ADRA1A: variants seen among roughly 807,000 people sequenced by gnomAD.
The protein encoded by ADRA1A is adrenoceptor alpha 1A.
Under a neutral mutation model 29.6 loss-of-function variants are expected in ADRA1A, and 31 were observed. That is an observed-to-expected ratio of 1.05 (90% CI 0.79 to 1.41). The LOEUF is 1.41. Among genes scored for constraint, ADRA1A ranks in the 40% most tolerant of loss-of-function variants. The pLI, the probability that ADRA1A is intolerant of heterozygous loss-of-function variation, is 0.00. For synonymous variants in ADRA1A, 311 were observed against 254.3 expected (o/e 1.22, Z -2.12); for missense variants, 619 against 601.1 (o/e 1.03, Z -0.31).
intron 2 of ADRA1A, among the ~76,000 whole-genome samples, chr8:26,849,989 A>C (rs2130738023): frequency 6.8e-6 from 1 of 146,872 alleles, no homozygotes; most frequent in Non-Finnish European, 1.5e-5. Flanking sequence ...AAATTTAAAA[A>C]AAAATAGTAA....
rs1013114692 is a variant in ADRA1A at position 26,841,426 on chromosome 8, C to T, written c.883+22661G>A. On this transcript the variant is annotated intron_variant, in intron 2 of 2. Coordinates refer to ENST00000380573, the MANE Select transcript of ADRA1A (RefSeq NM_000680.4). The surrounding 1 kb of genome is among the most constrained non-coding windows in gnomAD (Gnocchi z 4.4). The stretch of plus-strand genomic sequence containing the variant: ...TAACTGTGAAGGCATCGGGCTTTCC[C>T]AGATATCCTTTGCATTCAAATCCTC... Among the ~76,000 whole-genome samples the T allele has an allele frequency of 6.6e-6, 1 of 152,206 alleles. No individual in the cohort carries two copies. The highest frequency in any genetic ancestry group is 1.5e-5 in the Non-Finnish European group (1 of 68,042).
At chr8:26,839,119 G>A in intron 2 of ADRA1A, among the ~76,000 whole-genome samples, 1 of 151,928 alleles carries the variant, frequency 6.6e-6, no homozygotes, top group East Asian at 1.9e-4. Context: ...AAAGTAATAA[G>A]GGTGCTAGTT....
downstream of ADRA1A, among the ~76,000 whole-genome samples, chr8:26,753,036 A>T (rs1273525738): frequency 1.3e-5 from 2 of 152,136 alleles, no homozygotes; most frequent in Non-Finnish European, 2.9e-5. Flanking sequence ...GCTGCCAGAC[A>T]ATCTGACTCC....
In ADRA1A at chr8:26,865,277, G is replaced by T. The variant is rs922408336; in HGVS notation, c.-308C>A. ...GACCCGGACTCCCTCCCTACCCGAA[G>T]CTGGGTGCGAAGATCCAGGAGACTC... On this transcript the variant is annotated 5_prime_UTR_variant, in exon 2 of 3. Coordinates refer to ENST00000380573, the MANE Select transcript of ADRA1A (RefSeq NM_000680.4). This position sits in a 1 kb window ranked among gnomAD's most constrained non-coding sequence, Gnocchi z 7.6. 8.0e-7 allele frequency: 1 copy of T among 1,243,990 alleles called. No homozygotes were observed. 77.1% of individuals were successfully genotyped at this position (1,243,990 alleles called of 1,614,324 possible).
chr8:26,800,068 G>A (rs1808461468), intron 2 of ADRA1A, among the ~76,000 whole-genome samples: 2 of 152,108 alleles, frequency 1.3e-5, no homozygotes, highest in South Asian at 4.1e-4. Context: ...AGACCAGCCT[G>A]ATCATCATTG....
At chr8:26,761,038 C>T (rs568053983), downstream of ADRA1A, among the ~76,000 whole-genome samples, 32 of 152,340 alleles carry the variant, frequency 2.1e-4, no homozygotes, top group Admixed American at 5.9e-4. Context: ...GGCTGGAGTA[C>T]TGTCATGGGC....
At chr8:26,846,726 C>T (rs921166985) in intron 2 of ADRA1A, among the ~76,000 whole-genome samples, 17 of 152,146 alleles carry the variant, frequency 1.1e-4, no homozygotes, top group Admixed American at 6.5e-5. Context: ...GAGCCGCGAT[C>T]GCGCCATTGC....
intron 2 of ADRA1A, among the ~76,000 whole-genome samples, chr8:26,837,576 G>A (rs1811473215): frequency 1.3e-5 from 2 of 151,900 alleles, no homozygotes; most frequent in Admixed American, 6.6e-5. Flanking sequence ...GCTTGAGCCT[G>A]GGAGGTGGAA....
In ADRA1A at chr8:26,775,199, T is replaced by A. The variant is rs61760528; in HGVS notation, c.884-4533A>T. Among the ~76,000 whole-genome samples, 4,530 of 152,302 alleles carry A rather than the reference T, an allele frequency of 0.03. 104 individuals are homozygous for A. The highest frequency in any genetic ancestry group is 0.047 in the Non-Finnish European group (3,175 of 68,012). On this transcript the variant is annotated intron_variant, in intron 2 of 2. Coordinates refer to ENST00000380573, the MANE Select transcript of ADRA1A (RefSeq NM_000680.4). This position sits in a 1 kb window ranked among gnomAD's most constrained non-coding sequence, Gnocchi z 4.1. ...AATGGCCGACCTTCTGACAGACGGA[T>A]GGACTGACTGACTGAATGAATGAAT... is the stretch of plus-strand genomic sequence containing the variant.
intron 2 of ADRA1A, among the ~76,000 whole-genome samples, chr8:26,862,388 A>AT (rs1813543235): frequency 6.6e-6 from 1 of 152,086 alleles, no homozygotes; most frequent in Non-Finnish European, 1.5e-5. Context: ...CATCCTGTTG[A>AT]TTTTTTGATA....
rs1240755517 is a variant in ADRA1A, at chr8:26,841,663, G to A, written c.883+22424C>T. Among the ~76,000 whole-genome samples the A allele has an allele frequency of 6.6e-6, 1 of 152,008 alleles. No homozygotes were observed. The highest frequency in any genetic ancestry group is 2.4e-5 in the African/African-American group (1 of 41,348). On this transcript the variant is annotated intron_variant, in intron 2 of 2. Coordinates refer to ENST00000380573, the MANE Select transcript of ADRA1A (RefSeq NM_000680.4). The surrounding 1 kb of genome is among the most constrained non-coding windows in gnomAD (Gnocchi z 4.4). The stretch of plus-strand genomic sequence containing the variant: ...ACAAGCCTCCTGTCCCTAACATTCA[G>A]CTGAAACTGTTCCTAGATCCCAAAC...
Position 26,867,066 on chromosome 8 carries a change from T to A in ADRA1A, c.-817A>T. On this transcript the variant is annotated 5_prime_UTR_variant, in exon 1 of 3. Transcript: ENST00000380573. ...GTGTCTCCGAGGCACCAAATCCTTG[T>A]CCTTTTGCACCCGCTGACTCACCCC... 1.0e-6 allele frequency: 1 copy of A among 985,426 alleles called. No homozygotes were observed. Among genetic ancestry groups the A allele is most frequent in the Non-Finnish European group, 1.2e-6 (1 of 829,964 alleles). 61.0% of individuals were successfully genotyped at this position (985,426 alleles called of 1,614,324 possible). A position where few individuals can be genotyped will look rare whatever the true frequency, so the allele number is the denominator to read the frequency against.
At chr8:26,818,716 A>G (rs945690413) in intron 2 of ADRA1A, among the ~76,000 whole-genome samples, 2 of 152,160 alleles carry the variant, frequency 1.3e-5, no homozygotes, top group African/African-American at 4.8e-5. Context: ...GAGCGTCAAC[A>G]GCAGACTTGA....
rs544389837 is a variant in ADRA1A, at chr8:26,825,013, C to T, written c.883+39074G>A. On this transcript the variant is annotated intron_variant, in intron 2 of 2. Transcript: ENST00000380573. This position sits in a 1 kb window ranked among gnomAD's most constrained non-coding sequence, Gnocchi z 5.7. ...GCATCGTAGTTCTTCTTGAACTAGC[C>T]GGCAGATCTGCAGTGTGGAATTGAG... Among the ~76,000 whole-genome samples, 36 of 147,098 alleles carry T rather than the reference C, an allele frequency of 2.4e-4. No homozygotes were observed. The highest frequency in any genetic ancestry group is 4.2e-4 in the East Asian group (2 of 4,712).
At chr8:26,750,935 G>A (rs1804896441) in intron 2 of ADRA1A, among the ~76,000 whole-genome samples, 1 of 152,170 alleles carries the variant, frequency 6.6e-6, no homozygotes. Context: ...CAGGTGCGGT[G>A]GCGCATGCCT....
In ADRA1A at chr8:26,794,471, G is replaced by A. The variant is rs556838772; in HGVS notation, c.884-23805C>T. Among the ~76,000 whole-genome samples, 51 of 152,090 alleles carry A rather than the reference G, an allele frequency of 3.4e-4. 2 individuals carry two copies. In the South Asian group the frequency reaches 8.9e-3, roughly 27 times the overall value. ...ATATTTTAGGCCTTGCTAGCTGTAT[G>A]GTCTCTGTTTCTATTATTCAGTTCT... On this transcript the variant is annotated intron_variant, in intron 2 of 2. Coordinates refer to ENST00000380573, the MANE Select transcript of ADRA1A (RefSeq NM_000680.4).
intron 2 of ADRA1A, chr8:26,859,299 T>A (rs1198182781): frequency 1.2e-6 from 1 of 824,656 alleles, no homozygotes; most frequent in African/African-American, 1.8e-5. Context: ...ACATATAACA[T>A]CTCGTTGACG....
At chr8:26,799,490 G>A (rs1255727292) in intron 2 of ADRA1A, among the ~76,000 whole-genome samples, 1 of 152,154 alleles carries the variant, frequency 6.6e-6, no homozygotes, top group Non-Finnish European at 1.5e-5. Context: ...TTGAATCTGT[G>A]GTCAAATATA....
rs769685470 is a variant in ADRA1A at position 26,770,099 on chromosome 8, G to A, written c.*50C>T. ...GAAGAGCTGGCCTTCCGAGAAGGAA[G>A]TGGGGTGGGTACCTAAGATTATTCC... On this transcript the variant is annotated 3_prime_UTR_variant, in exon 3 of 3. Coordinates refer to ENST00000380573, the MANE Select transcript of ADRA1A (RefSeq NM_000680.4). 7 of 1,515,160 alleles carry A rather than the reference G, an allele frequency of 4.6e-6. No homozygotes were observed. The highest frequency in any genetic ancestry group is 1.8e-4 in the Middle Eastern group (1 of 5,576). The allele number at this position is 1,515,160 out of a possible 1,614,324, so 93.9% of individuals were successfully genotyped here.
Sources: gnomAD v4.1 joint callset for allele counts (sites outside exome capture counted in the v4.1 genomes callset) on GRCh38, gnomAD v4.1.1 for gene constraint, Gnocchi (gnomAD v3.1) non-coding constraint, MANE v1.5 for transcripts, NCBI Gene and HGNC (gene_info 2026-07-23, HGNC 2026-07-21) for gene names.